The following SYN3 variants were observed in gnomAD, a reference collection of about 807,000 sequenced individuals.
The protein encoded by SYN3 is synapsin III, also known as synapsin-3.
Under a neutral mutation model 65.8 loss-of-function variants are expected in SYN3, and 35 were observed. That is an observed-to-expected ratio of 0.53 (90% CI 0.41 to 0.70). The LOEUF is 0.70. Ranked by LOEUF, SYN3 falls within the 30% of genes least tolerant of loss-of-function variation. The pLI is 0.00. For synonymous variants in SYN3, 270 were observed against 292.9 expected (o/e 0.92, Z 0.80); for missense variants, 680 against 749.0 (o/e 0.91, Z 1.08).
intron 1 of SYN3, among the ~76,000 whole-genome samples, chr22:33,034,718 T>C (rs1000180930): frequency 4.6e-5 from 7 of 152,254 alleles, no homozygotes; most frequent in Middle Eastern, 3.4e-3. Context: ...GCAAAAACTA[T>C]TTTTAACCCC....
intron 5 of SYN3, among the ~76,000 whole-genome samples, chr22:32,868,412 G>A (rs933059529): frequency 6.6e-6 from 1 of 150,912 alleles, no homozygotes; most frequent in African/African-American, 2.4e-5. Flanking sequence ...TATATAACAT[G>A]TATATATTAA....
chr22:32,618,078 G>A (rs996121426), intron 6 of SYN3, among the ~76,000 whole-genome samples: 7 of 152,240 alleles, frequency 4.6e-5, no homozygotes, highest in Admixed American at 2.0e-4. Flanking sequence ...CCCGGAGCCT[G>A]GCATGACGCC....
intron 3 of SYN3, among the ~76,000 whole-genome samples, chr22:32,932,146 CA>C (rs1231729471): frequency 1.0e-5 from 1 of 98,146 alleles, no homozygotes; most frequent in African/African-American, 3.3e-5. Flanking sequence ...TTTGATGGGA[CA>C]TTTTCTCTAG....
intron 10 of SYN3, among the ~76,000 whole-genome samples, chr22:32,532,214 T>C (rs977041053): frequency 2.6e-5 from 4 of 152,284 alleles, no homozygotes; most frequent in African/African-American, 9.6e-5. Context: ...AATAAACAAA[T>C]GAGTGCGTGT....
Position 32,801,978 on chromosome 22 carries a change from C to CCGGCAGCGG in SYN3, c.711+62928_711+62936dup, listed in dbSNP as rs772087197. 7 of 1,581,312 alleles carry CCGGCAGCGG rather than the reference C, an allele frequency of 4.4e-6. No homozygotes were observed. The African/African-American group carries it at 5.4e-5, about 12-fold the overall frequency. On this transcript the variant is annotated intron_variant, in intron 6 of 13. Transcript: ENST00000358763. This position sits in a 1 kb window ranked among gnomAD's most constrained non-coding sequence, Gnocchi z 4.7. ...AACTTTGGAGAGGCGAGCAGCAGCCCCGGCAGCGGCGGCAGCAGCGGCAAT... is the reference window on the plus strand; with the variant it reads ...AACTTTGGAGAGGCGAGCAGCAGCCCCGGCAGCGGCGGCAGCGGCGGCAGCAGCGGCAAT...
intron 6 of SYN3, among the ~76,000 whole-genome samples, chr22:32,754,547 G>A (rs539919056): frequency 6.6e-6 from 1 of 152,174 alleles, no homozygotes; most frequent in Non-Finnish European, 1.5e-5. Context: ...CTCTCCTGCT[G>A]CCGCAGACCT....
Position 32,703,377 on chromosome 22 carries a change from G to T in SYN3, c.712-106641C>A, listed in dbSNP as rs1481682589. On this transcript the variant is annotated intron_variant, in intron 6 of 13. Transcript: ENST00000358763. ...TGCCTGGCCGGGCGCGGTGGCTCATGCCTGTAATCCCAGCACTTTTAGAGG... is the reference window on the plus strand; with the variant it reads ...TGCCTGGCCGGGCGCGGTGGCTCATTCCTGTAATCCCAGCACTTTTAGAGG... Among the ~76,000 whole-genome samples the T allele has an allele frequency of 2.6e-5, 4 of 152,180 alleles. No homozygotes were observed. The East Asian group carries it at 7.7e-4, about 29-fold the overall frequency.
intron 6 of SYN3, among the ~76,000 whole-genome samples, chr22:32,643,524 T>A (rs1160463404): frequency 9.3e-6 from 1 of 107,000 alleles, no homozygotes; most frequent in East Asian, 3.4e-4. Flanking sequence ...TCTCTAAGAA[T>A]AATGAGAGGG....
At chr22:32,996,328 G>C (rs1230444677) in intron 2 of SYN3, among the ~76,000 whole-genome samples, 3 of 152,036 alleles carry the variant, frequency 2.0e-5, no homozygotes, top group African/African-American at 7.2e-5. Flanking sequence ...CATCTACATT[G>C]AAAAACTAAG....
At chr22:32,650,784 ATCTGAG>A (rs1171561949) in intron 6 of SYN3, among the ~76,000 whole-genome samples, 16 of 152,202 alleles carry the variant, frequency 1.1e-4, no homozygotes, top group Non-Finnish European at 2.1e-4. Flanking sequence ...CGCTGTGACA[ATCTGAG>A]TCTCTTATTA....
At chr22:32,767,092 C>T (rs866386324) in intron 6 of SYN3, among the ~76,000 whole-genome samples, 8 of 152,130 alleles carry the variant, frequency 5.3e-5, no homozygotes, top group African/African-American at 7.2e-5. Flanking sequence ...CTCCAATCAT[C>T]GGAATTGACT....
chr22:32,833,556 G>T (rs537273268), intron 6 of SYN3, among the ~76,000 whole-genome samples: 1 of 152,278 alleles, frequency 6.6e-6, no homozygotes, highest in Admixed American at 6.5e-5. Flanking sequence ...GACCCTGAAG[G>T]TCCCACCCAA....
intron 6 of SYN3, among the ~76,000 whole-genome samples, chr22:32,765,396 A>G (rs2045596296): frequency 6.6e-6 from 1 of 152,146 alleles, no homozygotes; most frequent in Non-Finnish European, 1.5e-5. Context: ...CAAGTCCTTG[A>G]GGCCGATCAG....
intron 2 of SYN3, among the ~76,000 whole-genome samples, chr22:33,000,337 G>C (rs1265400036): frequency 6.6e-6 from 1 of 152,138 alleles, no homozygotes; most frequent in Non-Finnish European, 1.5e-5. Context: ...CAACAGGAGA[G>C]AGTATCTTTA....
At chr22:32,940,624 CT>C (rs1280586330) in intron 3 of SYN3, among the ~76,000 whole-genome samples, 9 of 152,278 alleles carry the variant, frequency 5.9e-5, no homozygotes, top group Non-Finnish European at 1.2e-4. Flanking sequence ...AATGAGCACT[CT>C]TTCTCAATAG....
intron 7 of SYN3, among the ~76,000 whole-genome samples, chr22:32,568,323 C>T (rs1042641629): frequency 3.3e-5 from 5 of 152,206 alleles, no homozygotes; most frequent in African/African-American, 1.2e-4. Flanking sequence ...TTCCACAGGG[C>T]TTTGTATTTA....
intron 6 of SYN3, among the ~76,000 whole-genome samples, chr22:32,775,778 A>C (rs542313007): frequency 6.6e-6 from 1 of 152,342 alleles, no homozygotes; most frequent in South Asian, 2.1e-4. Context: ...GATGATTAAC[A>C]ATCATAGCTA....
chr22:32,953,320 T>C (rs550794150), intron 3 of SYN3, among the ~76,000 whole-genome samples: 3 of 152,282 alleles, frequency 2.0e-5, no homozygotes, highest in Non-Finnish European at 2.9e-5. Flanking sequence ...GCAGTGAAAG[T>C]AACAGAAAAA....
chr22:33,036,317 A>AAT (rs2053858683), intron 1 of SYN3, among the ~76,000 whole-genome samples: 1 of 152,178 alleles, frequency 6.6e-6, no homozygotes, highest in African/African-American at 2.4e-5. Context: ...AGGGGACCAG[A>AAT]ATACGCTATC....
Sources: gnomAD v4.1 joint callset for allele counts (sites outside exome capture counted in the v4.1 genomes callset) on GRCh38, gnomAD v4.1.1 for gene constraint, Gnocchi (gnomAD v3.1) non-coding constraint, MANE v1.5 for transcripts, NCBI Gene and HGNC (gene_info 2026-07-23, HGNC 2026-07-21) for gene names.